Variants in PCDHA12 observed in about 807,000 individuals in gnomAD.
PCDHA12 encodes protocadherin alpha-12.
In PCDHA12, 44 loss-of-function variants were observed where a neutral mutation model predicts 60.0. The ratio of observed to expected loss-of-function variants is 0.73; its 90% CI spans 0.58 to 0.94. The LOEUF is 0.94. Ranked by LOEUF, PCDHA12 falls within the 40% of genes least tolerant of loss-of-function variation. The pLI is 0.00. For synonymous variants in PCDHA12, 569 were observed against 553.0 expected (o/e 1.03, Z -0.40); for missense variants, 1,276 against 1,239.7 (o/e 1.03, Z -0.44).
chr5:140,989,722 A>C (rs1472933877), intron 3 of PCDHA12, among the ~76,000 whole-genome samples: 1 of 152,224 alleles, frequency 6.6e-6, no homozygotes, highest in African/African-American at 2.4e-5. Context: ...TCAGCTTTGC[A>C]GTTGAAAAGG....
intron 3 of PCDHA12, among the ~76,000 whole-genome samples, chr5:141,009,291 T>G (rs115348370): frequency 2.9e-3 from 436 of 152,228 alleles, no homozygotes; most frequent in African/African-American, 9.9e-3. Flanking sequence ...CCCATTTCTA[T>G]AAAATTTTTT....
chr5:140,928,166 T>G, intron 1 of PCDHA12: 1 of 1,614,142 alleles, frequency 6.2e-7, no homozygotes, highest in South Asian at 1.1e-5. Context: ...TCACCCCCAC[T>G]TAGCACCCGA....
intron 3 of PCDHA12, among the ~76,000 whole-genome samples, chr5:141,005,570 C>T (rs2098221993): frequency 6.6e-6 from 1 of 151,052 alleles, no homozygotes; most frequent in African/African-American, 2.4e-5. Context: ...GGCATGGTGG[C>T]GCGTGCCTGT....
At chr5:140,933,692 C>T (rs2089349269) in intron 1 of PCDHA12, among the ~76,000 whole-genome samples, 1 of 151,798 alleles carries the variant, frequency 6.6e-6, no homozygotes, top group African/African-American at 2.4e-5. Context: ...TTTCCTATTC[C>T]TCGGACACAT....
chr5:140,906,120 A>C (rs1554192404), intron 1 of PCDHA12, among the ~76,000 whole-genome samples: 1 of 152,134 alleles, frequency 6.6e-6, no homozygotes, highest in East Asian at 1.9e-4. Flanking sequence ...CCACTGACAC[A>C]AATGTTAGTC....
At chr5:140,931,260 T>C (rs576177407) in intron 1 of PCDHA12, among the ~76,000 whole-genome samples, 104 of 152,274 alleles carry the variant, frequency 6.8e-4, no homozygotes, top group East Asian at 3.1e-3. Flanking sequence ...GAAATTTCAC[T>C]ATTTATTTCT....
chr5:140,949,053 C>T (rs2094339991), intron 1 of PCDHA12, among the ~76,000 whole-genome samples: 1 of 151,694 alleles, frequency 6.6e-6, no homozygotes, highest in Admixed American at 6.6e-5. Flanking sequence ...TTCTAATTTC[C>T]ATTATGATTT....
intron 1 of PCDHA12, among the ~76,000 whole-genome samples, chr5:140,879,240 C>T (rs1266442175): frequency 6.6e-6 from 1 of 152,134 alleles, no homozygotes; most frequent in Non-Finnish European, 1.5e-5. Flanking sequence ...ACAAGAGGCA[C>T]TGGCAAAGTA....
intron 1 of PCDHA12, chr5:140,928,017 C>T (rs782665827): frequency 1.2e-6 from 2 of 1,614,064 alleles, no homozygotes; most frequent in East Asian, 4.5e-5. Flanking sequence ...ATGGTAGGGT[C>T]ATTTGTGGCA....
At chr5:140,996,296 T>C (rs1252218880) in intron 3 of PCDHA12, among the ~76,000 whole-genome samples, 1 of 152,158 alleles carries the variant, frequency 6.6e-6, no homozygotes, top group African/African-American at 2.4e-5. Context: ...GAAGCACAGA[T>C]TGTAACAAAG....
rs782270666 is a variant in PCDHA12, at chr5:140,884,372, A to G, written c.2367+6533A>G. ...GGTGGATGTCAATGTTTACTTGATC[A>G]TTGCCATCTGCGCGGTGTCCAGCCT... On this transcript the variant is annotated intron_variant, in intron 1 of 3. Coordinates refer to ENST00000398631, the MANE Select transcript of PCDHA12 (RefSeq NM_018903.4). 6 of 1,613,806 alleles carry G rather than the reference A, an allele frequency of 3.7e-6. No homozygotes were observed. Among genetic ancestry groups the G allele is most frequent in the Non-Finnish European group, 5.1e-6 (6 of 1,179,874 alleles).
chr5:140,882,745 T>C (rs782756975), intron 1 of PCDHA12: 1 of 1,614,124 alleles, frequency 6.2e-7, no homozygotes, highest in Non-Finnish European at 8.5e-7. Flanking sequence ...GCGCATCCGA[T>C]GCAGATATTG....
intron 1 of PCDHA12, chr5:140,967,077 G>A (rs1483899506): frequency 1.9e-6 from 3 of 1,613,140 alleles, no homozygotes; most frequent in South Asian, 1.1e-5. Context: ...GTCAACGAGC[G>A]CATTGATCGG....
In PCDHA12 at chr5:140,938,408, G is replaced by A. The variant is rs115039361; in HGVS notation, c.2368-40541G>A. Among the ~76,000 whole-genome samples, 826 of 151,992 alleles carry A rather than the reference G, an allele frequency of 5.4e-3. 3 individuals are homozygous for A. The highest frequency in any genetic ancestry group is 0.019 in the African/African-American group (797 of 41,474). ...TAATATGAAATACATTGTTTGATTG[G>A]GTTTATTTGCAAAAATCCTTTATCA... On this transcript the variant is annotated intron_variant, in intron 1 of 3. Coordinates refer to ENST00000398631, the MANE Select transcript of PCDHA12 (RefSeq NM_018903.4).
chr5:140,960,727 CA>C (rs2095565377), intron 1 of PCDHA12, among the ~76,000 whole-genome samples: 3 of 30,176 alleles, frequency 9.9e-5, no homozygotes, highest in Non-Finnish European at 1.9e-4. Context: ...TATTTTAGTC[CA>C]TGATTTTAGT....
chr5:140,937,071 T>G (rs2091308048), intron 1 of PCDHA12, among the ~76,000 whole-genome samples: 1 of 147,932 alleles, frequency 6.8e-6, no homozygotes, highest in African/African-American at 2.5e-5. Context: ...GGAGTCTCGC[T>G]CTGTCGCCCA....
At chr5:140,892,927 C>G (rs1554185442) in intron 1 of PCDHA12, among the ~76,000 whole-genome samples, 1 of 152,152 alleles carries the variant, frequency 6.6e-6, no homozygotes, top group African/African-American at 2.4e-5. Context: ...CCTTCCCAGC[C>G]TCTGATAAGC....
At chr5:140,993,460 TCTCACACACACACA>T (rs1441171729) in intron 3 of PCDHA12, among the ~76,000 whole-genome samples, 1 of 104,506 alleles carries the variant, frequency 9.6e-6, no homozygotes, top group Non-Finnish European at 1.9e-5. Flanking sequence ...CTTCTTTCTT[TCTCACACACACACA>T]CACACACACA....
chr5:140,883,581 C>A, intron 1 of PCDHA12: 2 of 1,614,018 alleles, frequency 1.2e-6, no homozygotes, highest in Non-Finnish European at 1.7e-6. Flanking sequence ...CTGTGGGCCA[C>A]GGCCAGCGTG....
Sources: gnomAD v4.1 joint callset for allele counts (sites outside exome capture counted in the v4.1 genomes callset) on GRCh38, gnomAD v4.1.1 for gene constraint, MANE v1.5 for transcripts, NCBI Gene and HGNC (gene_info 2026-07-23, HGNC 2026-07-21) for gene names.